Variants in FANCC observed in about 807,000 individuals in gnomAD.
FANCC encodes Fanconi anemia group C protein.
A neutral mutation model predicts 71.3 loss-of-function variants in FANCC; 55 were observed. The ratio of observed to expected loss-of-function variants is 0.77; its 90% CI spans 0.62 to 0.97. The LOEUF (loss-of-function observed/expected upper bound fraction) is 0.97, where lower values mean the gene tolerates loss of function less well. Among genes scored for constraint, FANCC ranks in the 50% least tolerant of loss-of-function variants. The pLI, the probability that FANCC is intolerant of heterozygous loss-of-function variation, is 0.00. For missense variants in FANCC, 678 were observed against 670.9 expected (o/e 1.01, Z -0.12); for synonymous variants, 275 against 244.9 (o/e 1.12, Z -1.15).
intron 8 of FANCC, among the ~76,000 whole-genome samples, chr9:95,135,095 G>A (rs1827475976): frequency 6.6e-6 from 1 of 152,152 alleles, no homozygotes; most frequent in Non-Finnish European, 1.5e-5. Context: ...TTGTGCAAAT[G>A]TCAATTCTTG....
At chr9:95,184,356 A>T (rs1311369128) in intron 4 of FANCC, among the ~76,000 whole-genome samples, 1 of 152,182 alleles carries the variant, frequency 6.6e-6, no homozygotes, top group Non-Finnish European at 1.5e-5. Context: ...ATTTTAAATT[A>T]TCACTTCCCC....
In FANCC at chr9:95,123,565, C is replaced by T. The variant is rs749769331; in HGVS notation, c.996+1521G>A. On this transcript the variant is annotated intron_variant, in intron 10 of 14. Coordinates refer to ENST00000289081, the MANE Select transcript of FANCC (RefSeq NM_000136.3). ...ACAACGGTCGTACCAAAAAGGGCCG[C>T]GGCCACGTGCAGCCTATTTGCGACA... 7.4e-5 allele frequency: 41 copies of T among 556,642 alleles called. No individual in the cohort carries two copies. The Middle Eastern group carries it at 8.7e-4, about 12-fold the overall frequency. 34.5% of individuals were successfully genotyped at this position (556,642 alleles called of 1,614,324 possible). A position where few individuals can be genotyped will look rare whatever the true frequency, so the allele number is the denominator to read the frequency against.
chr9:95,117,384 A>T lies in FANCC; in HGVS notation c.1003T>A (p.Phe335Ile). The T allele has an allele frequency of 6.2e-7, 1 of 1,613,462 alleles. No individual in the cohort carries two copies. The highest frequency in any genetic ancestry group is 8.5e-7 in the Non-Finnish European group (1 of 1,179,882). ...ALEKASKQLR[F>I]ALKTYFPYTS... is the part of the protein sequence containing the mutation. ...TAAGGAAAGTAGGTCTTGAGTGCAAACCGCAGCTGCCACAGGATGGAAAAT... is the reference window on the plus strand; with the variant it reads ...TAAGGAAAGTAGGTCTTGAGTGCAATCCGCAGCTGCCACAGGATGGAAAAT... The change falls in exon 11 of 15, where the codon TTT becomes ATT. Residue 335 changes from phenylalanine (F) to isoleucine (I), a missense_variant. By Grantham distance (21) the Phe-to-Ile change is conservative (BLOSUM62 0). Transcript: ENST00000289081.
At position 95,150,016 on chromosome 9, in the gene FANCC, G is replaced by A. The variant is rs534655551; in HGVS notation, c.593C>T (p.Pro198Leu). 2 of 1,613,990 alleles carry A rather than the reference G, an allele frequency of 1.2e-6. No individual in the cohort carries two copies. Among genetic ancestry groups the A allele is most frequent in the Non-Finnish European group, 1.7e-6 (2 of 1,180,016 alleles). Reference protein sequence around the residue: ...VPLITLTDVDPLVEALLICHG... With the variant: ...VPLITLTDVDLLVEALLICHG... ...ACAGATGAGGAGAGCCTCCACCAGG[G>A]GGTCAACATCTGTCAGGGTAATAAG... is the stretch of plus-strand genomic sequence containing the variant. The change falls in exon 7 of 15, where the codon CCC (proline) becomes CTC (leucine). Residue 198 changes from proline to leucine, a missense_variant. Transcript: ENST00000289081.
At chr9:95,294,344 A>G in intron 1 of FANCC, 2 of 1,587,424 alleles carry the variant, frequency 1.3e-6, no homozygotes, top group Non-Finnish European at 1.7e-6. Flanking sequence ...GAGTCACTGG[A>G]CACAGAGACT....
intron 6 of FANCC, among the ~76,000 whole-genome samples, chr9:95,170,679 T>TGTGTGTGTGTGG (rs1554842441): frequency 1.4e-5 from 2 of 144,652 alleles, no homozygotes; most frequent in Non-Finnish European, 1.5e-5. Context: ...TGTGTGTGTG[T>TGTGTGTGTGTGG]TGGGAGCAGA....
At chr9:95,293,545 C>T (rs1179074768) in intron 1 of FANCC, 40 of 1,610,838 alleles carry the variant, frequency 2.5e-5, no homozygotes, top group Non-Finnish European at 3.2e-5. Context: ...CTAGGGAACA[C>T]ATGTCAGAAG....
At chr9:95,199,632 C>T (rs931602914) in intron 4 of FANCC, among the ~76,000 whole-genome samples, 1 of 152,162 alleles carries the variant, frequency 6.6e-6, no homozygotes, top group Non-Finnish European at 1.5e-5. Context: ...CAGTGCCCAG[C>T]GCACACAGGC....
At chr9:95,121,000 G>T (rs773398619) in intron 10 of FANCC, among the ~76,000 whole-genome samples, 3 of 152,154 alleles carry the variant, frequency 2.0e-5, no homozygotes, top group African/African-American at 7.2e-5. Context: ...AGGGCAGCTG[G>T]GGGGAGGCAG....
chr9:95,235,146 T>C (rs1420979155), intron 4 of FANCC, among the ~76,000 whole-genome samples: 1 of 151,336 alleles, frequency 6.6e-6, no homozygotes, highest in African/African-American at 2.4e-5. Context: ...AGATGCAGGA[T>C]CACACCTGTG....
chr9:95,226,015 A>G (rs1829589715), intron 4 of FANCC, among the ~76,000 whole-genome samples: 1 of 152,234 alleles, frequency 6.6e-6, no homozygotes, highest in Non-Finnish European at 1.5e-5. Context: ...GAAAATGGGA[A>G]TAACAGTAAT....
intron 1 of FANCC, among the ~76,000 whole-genome samples, chr9:95,302,312 T>C (rs1182647911): frequency 6.6e-6 from 1 of 152,042 alleles, no homozygotes; most frequent in Non-Finnish European, 1.5e-5. Context: ...AACGGAAAGG[T>C]CTGAACCCGG....
At chr9:95,135,125 A>AT (rs1429920341) in intron 8 of FANCC, among the ~76,000 whole-genome samples, 1 of 152,248 alleles carries the variant, frequency 6.6e-6, no homozygotes, top group Non-Finnish European at 1.5e-5. Flanking sequence ...GATATACGGC[A>AT]TATCAATCAA....
intron 11 of FANCC, among the ~76,000 whole-genome samples, chr9:95,116,997 G>T (rs1167230004): frequency 6.6e-6 from 1 of 152,234 alleles, no homozygotes; most frequent in East Asian, 1.9e-4. Context: ...CCAAGTCTTA[G>T]CCTGTTCCTG....
chr9:95,164,820 C>T (rs1292686482), intron 6 of FANCC, among the ~76,000 whole-genome samples: 1 of 152,114 alleles, frequency 6.6e-6, no homozygotes, highest in African/African-American at 2.4e-5. Flanking sequence ...GAAATGTCCC[C>T]TCTTCTTCAA....
At position 95,302,336 on chromosome 9, in the gene FANCC, T is replaced by C. The variant is rs753110985; in HGVS notation, c.-79+15190A>G. ...GTCTGAACCCGGCGTCACTATTCACTAGTTCATTCAGTGAGCCAGGGCAAA... is the reference window on the plus strand; with the variant it reads ...GTCTGAACCCGGCGTCACTATTCACCAGTTCATTCAGTGAGCCAGGGCAAA... On this transcript the variant is annotated intron_variant, in intron 1 of 14. Transcript: ENST00000289081. Among the ~76,000 whole-genome samples the C allele has an allele frequency of 6.0e-4, 92 of 152,236 alleles. 1 individual carries two copies. Among genetic ancestry groups the C allele is most frequent in the Non-Finnish European group, 9.9e-4 (67 of 68,014 alleles).
At chr9:95,145,894 A>T (rs891100509) in intron 7 of FANCC, among the ~76,000 whole-genome samples, 1 of 152,162 alleles carries the variant, frequency 6.6e-6, no homozygotes, top group Non-Finnish European at 1.5e-5. Context: ...AAAACAAAAA[A>T]CAAAGAGGGA....
Position 95,118,625 on chromosome 9 carries a change from G to A in FANCC, c.997-1235C>T, listed in dbSNP as rs560507764. Reference sequence around the variant, plus strand: ...GTTTTGATTTTGACAAGAGAGATTAGTTTTGCTTATTCTTGAATTTTGTGT... The same window carrying A: ...GTTTTGATTTTGACAAGAGAGATTAATTTTGCTTATTCTTGAATTTTGTGT... On this transcript the variant is annotated intron_variant, in intron 10 of 14. Transcript: ENST00000289081. Among the ~76,000 whole-genome samples the A allele has an allele frequency of 2.0e-5, 3 of 152,288 alleles. No homozygotes were observed. In the East Asian group the frequency reaches 5.8e-4, roughly 29 times the overall value.
intron 1 of FANCC, among the ~76,000 whole-genome samples, chr9:95,288,737 CT>C (rs745843657): frequency 0.037 from 5,379 of 144,088 alleles, 263 homozygotes; most frequent in African/African-American, 0.12. Context: ...GGGCATTTCA[CT>C]TTTTTTTTTT....
Sources: gnomAD v4.1 joint callset for allele counts (sites outside exome capture counted in the v4.1 genomes callset) on GRCh38, gnomAD v4.1.1 for gene constraint, MANE v1.5 for transcripts, NCBI Gene and HGNC (gene_info 2026-07-23, HGNC 2026-07-21) for gene names.